USP24: variants seen among roughly 807,000 people sequenced by gnomAD.
The protein encoded by USP24 is ubiquitin specific peptidase 24, also known as ubiquitin carboxyl-terminal hydrolase 24.
Under a neutral mutation model 361.6 loss-of-function variants are expected in USP24, and 97 were observed. That is an observed-to-expected ratio of 0.27 (90% CI 0.23 to 0.32). The LOEUF (loss-of-function observed/expected upper bound fraction) is 0.32. USP24 is among the 10% of genes least tolerant of loss of function. The pLI is 1.00. For synonymous variants in USP24, 1,098 were observed against 1,124.6 expected, an observed-to-expected ratio of 0.98 and a Z score of 0.47; for missense variants, 2,353 against 3,165.6, an observed-to-expected ratio of 0.74 and a Z score of 6.16.
chr1:55,132,579 C>A lies in USP24; in HGVS notation c.3503G>T (p.Gly1168Val). The A allele has an allele frequency of 3.7e-6, 6 of 1,613,572 alleles. No individual in the cohort carries two copies. The highest frequency in any genetic ancestry group is 5.1e-6 in the Non-Finnish European group (6 of 1,179,644). The change falls in exon 31 of 68, where the codon GGA becomes GTA. Residue 1168 changes from glycine (G) to valine (V), a missense_variant. Gly to Val is a moderately radical substitution (Grantham distance 109). Around this residue, in one of 8 missense-constraint regions of USP24, gnomAD observed 949 missense variants for 1,280.5 expected, o/e 0.74. Coordinates refer to ENST00000294383, the MANE Select transcript of USP24 (RefSeq NM_015306.3). ...GTAGAGCACTCTGAAGGTAGACATT[C>A]CCGGGGCAAAAGATCGAAACAGACT... ...LESLFRSFAP[G>V]MSTFRVLYNL...
intron 1 of USP24, among the ~76,000 whole-genome samples, chr1:55,200,311 A>G (rs1644536915): frequency 6.6e-6 from 1 of 152,208 alleles, no homozygotes; most frequent in Non-Finnish European, 1.5e-5. Flanking sequence ...GGAATAAGCT[A>G]TATTGAAAAA....
In USP24 at chr1:55,143,199, C is replaced by A. The variant is rs182072164; in HGVS notation, c.2440-80G>T. The A allele has an allele frequency of 1.6e-4, 167 of 1,071,534 alleles. 1 individual carries two copies. Among genetic ancestry groups the A allele is most frequent in the Admixed American group, 3.5e-5 (1 of 28,642 alleles). The allele number at this position is 1,071,534 out of a possible 1,614,324, so 66.4% of individuals were successfully genotyped here. ...AAAATCACAGATAATTATTTTGTTACATCATGAGTCCACACCTCTTCAGTT... is the reference window on the plus strand; with the variant it reads ...AAAATCACAGATAATTATTTTGTTAAATCATGAGTCCACACCTCTTCAGTT... On this transcript the variant is annotated intron_variant, in intron 21 of 67. Transcript: ENST00000294383.
intron 1 of USP24, among the ~76,000 whole-genome samples, chr1:55,199,312 A>AC (rs1047105919): frequency 1.1e-4 from 16 of 152,078 alleles, no homozygotes; most frequent in African/African-American, 3.6e-4. Flanking sequence ...AACAAAACAA[A>AC]AAAAAAACAT....
Position 55,168,418 on chromosome 1 carries a change from CAA to C in USP24, c.826-1817_826-1816del, listed in dbSNP as rs376832855. On this transcript the variant is annotated intron_variant, in intron 5 of 67. Transcript: ENST00000294383. ...ATTTTAAAAAATATAGTTGAGTTGA[CAA>C]AAAAAAAAATTAAAAAGCTCAGAAG... Among the ~76,000 whole-genome samples, 776 of 142,344 alleles carry C rather than the reference CAA, an allele frequency of 5.5e-3. 10 individuals carry two copies. The highest frequency in any genetic ancestry group is 0.019 in the African/African-American group (729 of 38,974). 93.4% of individuals were successfully genotyped at this position (142,344 alleles called of 152,430 possible). A position where few individuals can be genotyped will look rare whatever the true frequency, so the allele number is the denominator to read the frequency against.
intron 58 of USP24, 40 bp from the exon 59 acceptor site, chr1:55,081,464 T>G (rs762287183): frequency 1.3e-6 from 2 of 1,566,650 alleles, no homozygotes; most frequent in Non-Finnish European, 1.8e-6. Context: ...AGTGTTGTCG[T>G]CAGAAATAAT....
Position 55,106,198 on chromosome 1 carries a change from T to G in USP24, c.4828A>C (p.Ser1610Arg). 1 of 1,614,006 alleles carries G rather than the reference T, an allele frequency of 6.2e-7. No homozygotes were observed. The highest frequency in any genetic ancestry group is 8.5e-7 in the Non-Finnish European group (1 of 1,179,850). Reference protein sequence around the residue: ...LFRASRIILNSHSPAGSAAIS... With the variant: ...LFRASRIILNRHSPAGSAAIS... ...GCGGCACTGCCAGCTGGAGAATGAC[T>G]ATTTAAAATAATTCTAGAAGCTCGG... The change falls in exon 41 of 68, where the codon AGT becomes CGT. Residue 1610 changes from serine (S) to arginine (R), a missense_variant. Ser to Arg is a moderately radical substitution (Grantham distance 110, BLOSUM62 -1). Coordinates refer to ENST00000294383, the MANE Select transcript of USP24 (RefSeq NM_015306.3).
chr1:55,130,069 T>C (rs1183915603), intron 31 of USP24, among the ~76,000 whole-genome samples: 9 of 152,260 alleles, frequency 5.9e-5, no homozygotes, highest in Admixed American at 2.6e-4. Context: ...GTTAAGTGAC[T>C]GCCCACCCAA....
At position 55,180,702 on chromosome 1, in the gene USP24, A is replaced by G. The variant is rs182057834; in HGVS notation, c.325-2570T>C. Among the ~76,000 whole-genome samples, 14 of 152,298 alleles carry G rather than the reference A, an allele frequency of 9.2e-5. No homozygotes were observed. The East Asian group carries it at 2.7e-3, about 29-fold the overall frequency. On this transcript the variant is annotated intron_variant, in intron 1 of 67. Coordinates refer to ENST00000294383, the MANE Select transcript of USP24 (RefSeq NM_015306.3). ...TCAGGGAAGCCTTTCCAGAATTTCT[A>G]AAATAGACAAATTCCTTCAGTTATC...
At position 55,148,522 on chromosome 1, in the gene USP24, G is replaced by A. The variant is rs776355093; in HGVS notation, c.1909C>T (p.Arg637Cys). Residue 637 changes from arginine (R) to cysteine (C), a missense_variant, in exon 17 of 68, where the codon CGT becomes TGT. By Grantham distance (180) the Arg-to-Cys change is radical. This residue lies in a region of USP24 where 386 missense variants were observed against 560.5 expected (regional missense o/e 0.69). Transcript: ENST00000294383. ...PQFVWVVPAL[R>C]QLHEITRSFI... ...GAGCGAGTAATTTCATGGAGCTGAC[G>A]CAAAGCTGGTACCACCCATACAAAC... 4 of 1,596,550 alleles carry A rather than the reference G, an allele frequency of 2.5e-6. No homozygotes were observed. Among genetic ancestry groups the A allele is most frequent in the South Asian group, 2.3e-5 (2 of 87,834 alleles).
At chr1:55,212,556 T>C (rs1436755385) in intron 1 of USP24, among the ~76,000 whole-genome samples, 1 of 152,172 alleles carries the variant, frequency 6.6e-6, no homozygotes, top group Non-Finnish European at 1.5e-5. Context: ...CCTTTCCCTA[T>C]TTCCCAAGAT....
intron 42 of USP24, among the ~76,000 whole-genome samples, 168 bp downstream of exon 42, chr1:55,103,708 A>T (rs952994780): frequency 1.3e-5 from 2 of 152,252 alleles, no homozygotes; most frequent in Non-Finnish European, 2.9e-5. Flanking sequence ...TATTCAGTAT[A>T]TTAGAGTGAT....
Position 55,148,485 on chromosome 1 carries a change from T to C in USP24, c.1946A>G (p.Gln649Arg). The C allele has an allele frequency of 6.3e-7, 1 of 1,585,788 alleles. No homozygotes were observed. Among genetic ancestry groups the C allele is most frequent in the Non-Finnish European group, 8.6e-7 (1 of 1,164,664 alleles). ...TACCTTGTCTTGCTTTTGATAGGTT[T>C]GTTTTATGAATGAGCGAGTAATTTC... ...LHEITRSFIKQTYQKQDKSII... is the reference protein window; with the variant it reads ...LHEITRSFIKRTYQKQDKSII... Residue 649 changes from glutamine (Q) to arginine (R), a missense_variant, in exon 17 of 68, where the codon CAA (glutamine) becomes CGA (arginine). Around this residue, in one of 8 missense-constraint regions of USP24, gnomAD observed 386 missense variants for 560.5 expected, o/e 0.69. Transcript: ENST00000294383.
At chr1:55,127,590 G>A (rs1392034908) in intron 32 of USP24, among the ~76,000 whole-genome samples, 2 of 152,138 alleles carry the variant, frequency 1.3e-5, no homozygotes, top group Non-Finnish European at 2.9e-5. Flanking sequence ...CCCAGTAAAG[G>A]GATGGCTGGG....
intron 17 of USP24, 88 bp from the exon 18 acceptor site, chr1:55,147,886 T>C: frequency 1.5e-6 from 2 of 1,371,892 alleles, no homozygotes; most frequent in Non-Finnish European, 9.9e-7. Context: ...AAAGATGTAG[T>C]CCTAGATGAG....
intron 66 of USP24, 127 bp from the exon 67 acceptor site, chr1:55,072,051 AC>A (rs1361182987): frequency 2.3e-6 from 2 of 855,338 alleles, no homozygotes; most frequent in Non-Finnish European, 3.8e-6. Context: ...GGCCTTCATC[AC>A]AGTCACCAGA....
At chr1:55,070,819 T>C (rs1324633563) in intron 67 of USP24, among the ~76,000 whole-genome samples, 1 of 151,984 alleles carries the variant, frequency 6.6e-6, no homozygotes, top group Admixed American at 6.5e-5. Context: ...ACATACACAT[T>C]AGAACGCAAA....
intron 26 of USP24, 144 bp downstream of exon 26, chr1:55,138,462 CCA>C (rs1262950446): frequency 8.9e-6 from 5 of 563,376 alleles, no homozygotes; most frequent in Non-Finnish European, 1.3e-5. Flanking sequence ...TGCTTGTACC[CCA>C]CAGTTTCATT....
rs138284908 is a variant in USP24, at chr1:55,080,955, A to C, written c.7078+367T>G. Reference sequence around the variant, plus strand: ...TGAGTATTTTCATTTTGCACTGAAGATCAGAACGGTCAGGTTCACGAAACT... The same window carrying C: ...TGAGTATTTTCATTTTGCACTGAAGCTCAGAACGGTCAGGTTCACGAAACT... On this transcript the variant is annotated intron_variant, in intron 59 of 67. Coordinates refer to ENST00000294383, the MANE Select transcript of USP24 (RefSeq NM_015306.3). 5.3e-3 allele frequency among the ~76,000 whole-genome samples: 807 copies of C among 152,288 alleles called. 7 individuals carry two copies. Among genetic ancestry groups the C allele is most frequent in the African/African-American group, 0.019 (779 of 41,540 alleles).
At chr1:55,080,327 T>C (rs1236655487) in intron 59 of USP24, among the ~76,000 whole-genome samples, 1 of 152,192 alleles carries the variant, frequency 6.6e-6, no homozygotes, top group African/African-American at 2.4e-5. Flanking sequence ...TCCTCCAATG[T>C]CCCTTTAGAG....
Sources: allele counts gnomAD v4.1 joint callset (sites outside exome capture counted in the v4.1 genomes callset), GRCh38; gene constraint gnomAD v4.1.1; regional missense constraint gnomAD v4.1.1; transcripts MANE v1.5; gene names NCBI Gene and HGNC (gene_info 2026-07-23, HGNC 2026-07-21).